The following PLS1 variants were observed in gnomAD, a reference collection of about 807,000 sequenced individuals.
PLS1 encodes the protein plastin-1.
A neutral mutation model predicts 73.7 loss-of-function variants in PLS1; 32 were observed. The ratio of observed to expected loss-of-function variants is 0.43; its 90% CI spans 0.33 to 0.58. The LOEUF (loss-of-function observed/expected upper bound fraction) is 0.58. PLS1 is among the 20% of genes least tolerant of loss of function. The pLI is 0.04. For missense variants in PLS1, 633 were observed against 740.5 expected (o/e 0.85, Z 1.68); for synonymous variants, 217 against 261.3 (o/e 0.83, Z 1.63).
intron 14 of PLS1, 92 bp from the exon 15 acceptor site, chr3:142,711,409 A>G (rs1933119591): frequency 1.1e-6 from 1 of 883,944 alleles, no homozygotes; most frequent in African/African-American, 1.6e-5. Context: ...GAATTTGTAG[A>G]TTGCCTTCAG....
chr3:142,665,114 A>C (rs1341882506), intron 2 of PLS1, among the ~76,000 whole-genome samples: 1 of 152,062 alleles, frequency 6.6e-6, no homozygotes. Flanking sequence ...AGTGTAATAG[A>C]GCCCTCCATG....
chr3:142,669,008 T>C (rs2037542150), intron 2 of PLS1, among the ~76,000 whole-genome samples: 1 of 152,178 alleles, frequency 6.6e-6, no homozygotes, highest in Non-Finnish European at 1.5e-5. Context: ...TCTATGGGGA[T>C]AAACTCGATT....
chr3:142,701,679 C>T (rs904180056), intron 12 of PLS1, among the ~76,000 whole-genome samples: 4 of 152,146 alleles, frequency 2.6e-5, no homozygotes, highest in Admixed American at 2.0e-4. Flanking sequence ...AATGCTGGTC[C>T]TATCAATATA....
intron 13 of PLS1, 116 bp from the exon 14 acceptor site, chr3:142,704,347 A>T: frequency 1.2e-6 from 1 of 844,044 alleles, no homozygotes; most frequent in Non-Finnish European, 1.8e-6. Flanking sequence ...GACTAAAATT[A>T]GAAATATTTA....
chr3:142,655,402 T>C (rs1389097575), intron 1 of PLS1, among the ~76,000 whole-genome samples: 2 of 152,096 alleles, frequency 1.3e-5, no homozygotes, highest in African/African-American at 4.8e-5. Context: ...TTTTTGTTTT[T>C]GTAGGAGATT....
chr3:142,679,864 C>A (rs1049381297), intron 6 of PLS1, among the ~76,000 whole-genome samples: 1 of 152,088 alleles, frequency 6.6e-6, no homozygotes, highest in African/African-American at 2.4e-5. Context: ...TTACCTTGGG[C>A]AGTATGGCCA....
At chr3:142,635,543 C>A (rs540338719) in intron 1 of PLS1, among the ~76,000 whole-genome samples, 1 of 152,148 alleles carries the variant, frequency 6.6e-6, no homozygotes, top group African/African-American at 2.4e-5. Flanking sequence ...GCGAAGGTTG[C>A]AGTGAGCTGA....
intron 1 of PLS1, among the ~76,000 whole-genome samples, chr3:142,607,354 A>G (rs939478594): frequency 1.3e-5 from 2 of 152,148 alleles, no homozygotes; most frequent in Non-Finnish European, 2.9e-5. Context: ...ATCTCGGCTC[A>G]CTGCAACCTC....
intron 1 of PLS1, among the ~76,000 whole-genome samples, chr3:142,599,738 C>T (rs2035881642): frequency 6.7e-6 from 1 of 149,954 alleles, no homozygotes; most frequent in South Asian, 2.1e-4. Context: ...AGGTTGTTGG[C>T]CCCACGATTA....
At chr3:142,654,577 C>T (rs2037177182) in intron 1 of PLS1, among the ~76,000 whole-genome samples, 1 of 152,150 alleles carries the variant, frequency 6.6e-6, no homozygotes, top group African/African-American at 2.4e-5. Context: ...TGGTCTTGAA[C>T]TCCTGACCTC....
intron 2 of PLS1, among the ~76,000 whole-genome samples, chr3:142,668,894 G>A (rs1301032755): frequency 6.6e-6 from 1 of 151,930 alleles, no homozygotes; most frequent in East Asian, 1.9e-4. Context: ...GAGCCACTGC[G>A]CCTGGCCCCC....
intron 1 of PLS1, among the ~76,000 whole-genome samples, chr3:142,637,734 T>C (rs1042792524): frequency 1.3e-5 from 2 of 152,156 alleles, no homozygotes; most frequent in African/African-American, 4.8e-5. Flanking sequence ...TGTATATGTG[T>C]ATGTGTATTC....
chr3:142,670,958 A>G, intron 3 of PLS1, 35 bp from the exon 4 acceptor site: 2 of 1,459,554 alleles, frequency 1.4e-6, no homozygotes, highest in Middle Eastern at 1.8e-4. Context: ...TTTATTGATT[A>G]TCTGATTCTC....
chr3:142,633,492 C>T (rs557578510), intron 1 of PLS1, among the ~76,000 whole-genome samples: 14 of 152,118 alleles, frequency 9.2e-5, no homozygotes, highest in African/African-American at 3.4e-4. Context: ...TCTGTCTCTA[C>T]TAAAAATACA....
At chr3:142,626,206 T>C (rs2036424533) in intron 1 of PLS1, among the ~76,000 whole-genome samples, 1 of 152,114 alleles carries the variant, frequency 6.6e-6, no homozygotes, top group Non-Finnish European at 1.5e-5. Context: ...TGGGACATAG[T>C]TTTAGCAACA....
intron 1 of PLS1, among the ~76,000 whole-genome samples, chr3:142,606,233 T>G (rs2108540068): frequency 6.6e-6 from 1 of 152,368 alleles, no homozygotes; most frequent in East Asian, 1.9e-4. Flanking sequence ...TGTTGCTCAT[T>G]TAATCTAGAA....
chr3:142,643,860 G>T (rs964416604), intron 1 of PLS1, among the ~76,000 whole-genome samples: 2 of 117,936 alleles, frequency 1.7e-5, no homozygotes, highest in African/African-American at 6.8e-5. Context: ...ATGGAGTTTC[G>T]CTCTTGTCAC....
chr3:142,649,554 C>A (rs193103336), intron 1 of PLS1, among the ~76,000 whole-genome samples: 1 of 151,750 alleles, frequency 6.6e-6, no homozygotes, highest in African/African-American at 2.4e-5. Context: ...AGGAGAATTG[C>A]TTGAGCCTGG....
At chr3:142,667,103 A>G (rs1171681364) in intron 2 of PLS1, among the ~76,000 whole-genome samples, 1 of 152,126 alleles carries the variant, frequency 6.6e-6, no homozygotes, top group Admixed American at 6.5e-5. Flanking sequence ...ATTAGTAACC[A>G]CCTCAAAGTT....
Sources: allele counts gnomAD v4.1 joint callset (sites outside exome capture counted in the v4.1 genomes callset), GRCh38; gene constraint gnomAD v4.1.1; transcripts MANE v1.5; gene names NCBI Gene and HGNC (gene_info 2026-07-23, HGNC 2026-07-21).